The following TLE4 variants were observed in gnomAD, a reference collection of about 807,000 sequenced individuals.
TLE4 encodes TLE family member 4, transcriptional corepressor, also known as transducin-like enhancer protein 4.
TLE4 carries 8 observed loss-of-function variants against 92.8 expected under a neutral mutation model. That is an observed-to-expected ratio of 0.09 (90% CI 0.05 to 0.16). TLE4 has a LOEUF of 0.16. TLE4 is among the 10% of genes least tolerant of loss of function. TLE4 has a pLI of 1.00. For missense variants in TLE4, 675 were observed against 997.6 expected (o/e 0.68, Z 4.36); for synonymous variants, 371 against 374.1 (o/e 0.99, Z 0.10).
chr9:79,705,863 A>G (rs773381294), intron 9 of TLE4, 26 bp from the exon 10 acceptor site: 2 of 1,612,110 alleles, frequency 1.2e-6, no homozygotes, highest in Non-Finnish European at 1.7e-6. Context: ...AGGGGAGAAG[A>G]TAATGCTTCT....
chr9:79,687,262 C>G (rs2066066930), intron 8 of TLE4, among the ~76,000 whole-genome samples: 1 of 152,176 alleles, frequency 6.6e-6, no homozygotes, highest in Admixed American at 6.5e-5. Flanking sequence ...TTGCCATGGC[C>G]ACGTACAAGT....
intron 5 of TLE4, among the ~76,000 whole-genome samples, chr9:79,613,247 A>T (rs1309715459): frequency 6.6e-6 from 1 of 152,128 alleles, no homozygotes; most frequent in African/African-American, 2.4e-5. Flanking sequence ...GAACTCATTG[A>T]ACTCGTTTCT....
At chr9:79,616,394 C>T (rs571923048) in intron 5 of TLE4, among the ~76,000 whole-genome samples, 6 of 152,302 alleles carry the variant, frequency 3.9e-5, no homozygotes, top group East Asian at 1.9e-4. Flanking sequence ...ACCCAGGTAG[C>T]TTAGCACACA....
At chr9:79,700,720 A>G (rs2069572528) in intron 8 of TLE4, among the ~76,000 whole-genome samples, 2 of 152,132 alleles carry the variant, frequency 1.3e-5, no homozygotes, top group Admixed American at 6.6e-5. Context: ...ATATCCCAGC[A>G]TAAGTGTTTA....
At chr9:79,718,351 C>T (rs1250870692) in intron 14 of TLE4, among the ~76,000 whole-genome samples, 1 of 152,178 alleles carries the variant, frequency 6.6e-6, no homozygotes, top group Non-Finnish European at 1.5e-5. Flanking sequence ...AAGGAGAAGG[C>T]AATGCAGGTT....
intron 4 of TLE4, among the ~76,000 whole-genome samples, chr9:79,577,044 T>G (rs2038052502): frequency 6.6e-6 from 1 of 151,978 alleles, no homozygotes; most frequent in South Asian, 2.1e-4. Context: ...TTTTTAGTGA[T>G]CTCCTAGTGG....
In TLE4 at chr9:79,669,930, G is replaced by A. The variant is rs188776375; in HGVS notation, c.609+15855G>A. ...AAAAAGTTACATGAATGCTCCCCACGTTTCAGCTCTCAGAAGATATTTTGC... is the reference window on the plus strand; with the variant it reads ...AAAAAGTTACATGAATGCTCCCCACATTTCAGCTCTCAGAAGATATTTTGC... On this transcript the variant is annotated intron_variant, in intron 8 of 19. Transcript: ENST00000376552. Among the ~76,000 whole-genome samples, 48 of 152,178 alleles carry A rather than the reference G, an allele frequency of 3.2e-4. No homozygotes were observed. In the East Asian group the frequency reaches 7.9e-3, roughly 25 times the overall value.
chr9:79,610,093 C>T (rs2048023829), intron 4 of TLE4, among the ~76,000 whole-genome samples: 2 of 151,996 alleles, frequency 1.3e-5, no homozygotes, highest in South Asian at 4.1e-4. Context: ...TGAATCTGCT[C>T]CTTACCCTAA....
At chr9:79,717,581 G>T (rs544627959) in intron 14 of TLE4, among the ~76,000 whole-genome samples, 1 of 152,120 alleles carries the variant, frequency 6.6e-6, no homozygotes, top group Non-Finnish European at 1.5e-5. Flanking sequence ...GGTAGTTGAG[G>T]ACCATTCAAT....
chr9:79,668,623 T>A (rs1325154998), intron 8 of TLE4, among the ~76,000 whole-genome samples: 1 of 152,022 alleles, frequency 6.6e-6, no homozygotes, highest in Non-Finnish European at 1.5e-5. Flanking sequence ...GTTTCCAGAT[T>A]CCCCCTCCTC....
chr9:79,584,798 AC>A (rs1477317145), intron 4 of TLE4, among the ~76,000 whole-genome samples: 3 of 152,214 alleles, frequency 2.0e-5, no homozygotes, highest in Admixed American at 1.3e-4. Flanking sequence ...AAGCAACCGA[AC>A]TTGCTGTGCC....
chr9:79,671,945 T>C (rs1254504038), intron 8 of TLE4, among the ~76,000 whole-genome samples: 2 of 145,912 alleles, frequency 1.4e-5, no homozygotes, highest in Non-Finnish European at 3.0e-5. Context: ...AAAAAGTCAG[T>C]CTGGAAGATT....
intron 6 of TLE4, among the ~76,000 whole-genome samples, chr9:79,628,874 G>A (rs1351565979): frequency 1.5e-4 from 1 of 6,556 alleles, no homozygotes; most frequent in East Asian, 1.9e-3. Context: ...TTAAAGTTAA[G>A]TGTGTGTGTG....
At chr9:79,613,629 G>A (rs2048854872) in intron 5 of TLE4, among the ~76,000 whole-genome samples, 1 of 152,160 alleles carries the variant, frequency 6.6e-6, no homozygotes, top group Non-Finnish European at 1.5e-5. Flanking sequence ...GGCTGAGAAG[G>A]CACAGAGGCA....
In TLE4 at chr9:79,706,778, A is replaced by T; in HGVS notation, c.815A>T (p.His272Leu). 1 of 1,614,116 alleles carries T rather than the reference A, an allele frequency of 6.2e-7. No homozygotes were observed. The highest frequency in any genetic ancestry group is 1.1e-5 in the South Asian group (1 of 91,068). ...DPSSPRGSPA[H>L]SPRENGLDKT... Reference sequence around the variant, plus strand: ...TCTTCCCCTCGAGGGAGCCCAGCACATTCCCCCAGAGAGAATGGCCTAGAC... The same window carrying T: ...TCTTCCCCTCGAGGGAGCCCAGCACTTTCCCCCAGAGAGAATGGCCTAGAC... The change falls in exon 11 of 20, where the codon CAT becomes CTT. Residue 272 changes from histidine (H) to leucine (L), a missense_variant. His to Leu is a moderately conservative substitution (Grantham distance 99). This residue lies in a region of TLE4 where 280 missense variants were observed against 287.3 expected (regional missense o/e 0.97). Coordinates refer to ENST00000376552, the MANE Select transcript of TLE4 (RefSeq NM_007005.6).
chr9:79,610,882 C>T (rs531022414), intron 4 of TLE4, among the ~76,000 whole-genome samples: 5 of 144,724 alleles, frequency 3.5e-5, no homozygotes, highest in African/African-American at 9.9e-5. Context: ...ACTCAGTTTT[C>T]TTATGTGCCC....
At chr9:79,608,053 C>G (rs555858526) in intron 4 of TLE4, among the ~76,000 whole-genome samples, 240 of 152,180 alleles carry the variant, frequency 1.6e-3, no homozygotes, top group African/African-American at 5.6e-3. Context: ...ATTGAACACC[C>G]TTTATTTCTT....
At chr9:79,656,204 T>C (rs2059754554) in intron 8 of TLE4, among the ~76,000 whole-genome samples, 1 of 152,134 alleles carries the variant, frequency 6.6e-6, no homozygotes, top group South Asian at 2.1e-4. Flanking sequence ...AGAGAAGCAG[T>C]TGTAGTTGCT....
chr9:79,615,613 G>A (rs2049367598), intron 5 of TLE4, among the ~76,000 whole-genome samples: 1 of 151,140 alleles, frequency 6.6e-6, no homozygotes, highest in Non-Finnish European at 1.5e-5. Flanking sequence ...AATATTGCTT[G>A]CGTCTGGTTT....
Sources: gnomAD v4.1 joint callset for allele counts (sites outside exome capture counted in the v4.1 genomes callset) on GRCh38, gnomAD v4.1.1 for gene constraint, gnomAD v4.1.1 regional missense constraint, MANE v1.5 for transcripts, NCBI Gene and HGNC (gene_info 2026-07-23, HGNC 2026-07-21) for gene names.